RSRC1: variants seen among roughly 807,000 people sequenced by gnomAD.
RSRC1 encodes arginine and serine rich coiled-coil 1, also known as serine/Arginine-related protein 53.
RSRC1 carries 39 observed loss-of-function variants against 49.1 expected under a neutral mutation model. The ratio of observed to expected loss-of-function variants is 0.79; its 90% confidence interval spans 0.61 to 1.04. RSRC1 has a LOEUF of 1.04. Among genes scored for constraint, RSRC1 ranks in the 50% least tolerant of loss-of-function variants. RSRC1 has a pLI of 0.00. For synonymous variants in RSRC1, 143 were observed against 130.8 expected (o/e 1.09, Z -0.63); for missense variants, 388 against 402.4 (o/e 0.96, Z 0.31).
At chr3:158,439,328 G>A (rs1187711789) in intron 6 of RSRC1, among the ~76,000 whole-genome samples, 1 of 152,076 alleles carries the variant, frequency 6.6e-6, no homozygotes, top group African/African-American at 2.4e-5. Context: ...CTACCCAAAG[G>A]ACTATAAATC....
intron 4 of RSRC1, among the ~76,000 whole-genome samples, chr3:158,207,547 T>A (rs555876130): frequency 1.3e-5 from 2 of 152,180 alleles, no homozygotes; most frequent in Non-Finnish European, 2.9e-5. Context: ...ATTGTGATTG[T>A]GCAGTGCATG....
intron 6 of RSRC1, among the ~76,000 whole-genome samples, chr3:158,400,810 A>G (rs1331077204): frequency 6.6e-6 from 1 of 152,056 alleles, no homozygotes; most frequent in Non-Finnish European, 1.5e-5. Context: ...TTGCCTAAGT[A>G]TATAGTGTTT....
chr3:158,516,927 G>GT (rs1560073030), intron 7 of RSRC1, among the ~76,000 whole-genome samples: 1 of 152,220 alleles, frequency 6.6e-6, no homozygotes, highest in South Asian at 2.1e-4. Context: ...TGCTTCCCAA[G>GT]TGAGGCAGTG....
At chr3:158,143,418 A>G (rs954267180) in intron 3 of RSRC1, among the ~76,000 whole-genome samples, 5 of 152,142 alleles carry the variant, frequency 3.3e-5, no homozygotes, top group African/African-American at 1.2e-4. Context: ...AGATAGCATG[A>G]TGTGGTTCTT....
At chr3:158,491,064 A>G (rs1374307264) in intron 7 of RSRC1, among the ~76,000 whole-genome samples, 4 of 152,310 alleles carry the variant, frequency 2.6e-5, no homozygotes, top group South Asian at 4.1e-4. Flanking sequence ...TTTGCTTTTC[A>G]ATAATTGTCT....
At chr3:158,275,118 A>T (rs781721500) in intron 4 of RSRC1, among the ~76,000 whole-genome samples, 4 of 152,196 alleles carry the variant, frequency 2.6e-5, no homozygotes, top group Non-Finnish European at 5.9e-5. Flanking sequence ...ATTGATTGCT[A>T]GCTTACCAAC....
chr3:158,286,619 A>T (rs1726578568), intron 4 of RSRC1, among the ~76,000 whole-genome samples: 1 of 152,230 alleles, frequency 6.6e-6, no homozygotes, highest in African/African-American at 2.4e-5. Context: ...TTGATTCATT[A>T]AACAAGGAAA....
At chr3:158,362,333 C>T (rs1304375059) in intron 6 of RSRC1, among the ~76,000 whole-genome samples, 3 of 151,904 alleles carry the variant, frequency 2.0e-5, no homozygotes, top group Non-Finnish European at 2.9e-5. Context: ...AGAGTAAGAC[C>T]CTGTCTCAAA....
Position 158,354,906 on chromosome 3 carries a change from C to T in RSRC1, c.581C>T (p.Ala194Val). ...AGACTACAGCTGGTTCTTGAAGCTG[C>T]TGGTAAGTGTTGATAATTAACTTTT... ...KARLQLVLEA[A>V]AKADEALKAK... is the part of the protein sequence containing the mutation. The change falls in exon 6 of 10, where the codon GCT (alanine) becomes GTT (valine). Residue 194 changes from alanine to valine, a missense_variant and splice_region_variant. Physicochemically the swap from Ala to Val is moderately conservative, Grantham distance 64 (BLOSUM62 0). Coordinates refer to ENST00000611884, the MANE Select transcript of RSRC1 (RefSeq NM_001271838.2). 6.5e-7 allele frequency: 1 copy of T among 1,544,666 alleles called. No individual in the cohort carries two copies. Among genetic ancestry groups the T allele is most frequent in the South Asian group, 1.2e-5 (1 of 80,316 alleles).
chr3:158,388,077 TTACC>T (rs1006655775), intron 6 of RSRC1, among the ~76,000 whole-genome samples: 3 of 152,188 alleles, frequency 2.0e-5, no homozygotes, highest in South Asian at 4.1e-4. Context: ...AAAAACTTAT[TTACC>T]TAGTGCAATA....
chr3:158,456,949 G>A (rs1737361551), intron 6 of RSRC1, among the ~76,000 whole-genome samples: 1 of 152,150 alleles, frequency 6.6e-6, no homozygotes, highest in East Asian at 1.9e-4. Context: ...GTGTACATGT[G>A]TGTATGCAGC....
chr3:158,423,358 C>G (rs1370552885), intron 6 of RSRC1, among the ~76,000 whole-genome samples: 17 of 151,844 alleles, frequency 1.1e-4, no homozygotes, highest in African/African-American at 3.6e-4. Context: ...GCTTATTTTT[C>G]TCAGGTTTGT....
At chr3:158,259,587 T>G (rs983154807) in intron 4 of RSRC1, among the ~76,000 whole-genome samples, 4 of 152,162 alleles carry the variant, frequency 2.6e-5, no homozygotes, top group Non-Finnish European at 4.4e-5. Context: ...GGCTACTGCG[T>G]ATGTTCACTC....
chr3:158,281,023 G>A (rs763448972), intron 4 of RSRC1, among the ~76,000 whole-genome samples: 6 of 152,152 alleles, frequency 3.9e-5, no homozygotes, highest in Admixed American at 2.6e-4. Context: ...GGCAGAAGTG[G>A]TTAAAATAGC....
chr3:158,331,560 GTTAC>G, intron 5 of RSRC1, among the ~76,000 whole-genome samples: 1 of 151,774 alleles, frequency 6.6e-6, no homozygotes, highest in East Asian at 1.9e-4. Context: ...GATTTCTTCT[GTTAC>G]TTCTAAGCCT....
chr3:158,176,556 T>C (rs954566377), intron 3 of RSRC1, among the ~76,000 whole-genome samples: 12 of 152,204 alleles, frequency 7.9e-5, no homozygotes, highest in African/African-American at 2.7e-4. Flanking sequence ...AAGGATTCCC[T>C]ATTTAATAAA....
At chr3:158,363,465 A>G (rs1348175356) in intron 6 of RSRC1, among the ~76,000 whole-genome samples, 2 of 152,038 alleles carry the variant, frequency 1.3e-5, no homozygotes, top group African/African-American at 4.8e-5. Flanking sequence ...GGGTTTTACC[A>G]TGTTGGCCAG....
intron 3 of RSRC1, among the ~76,000 whole-genome samples, chr3:158,200,639 A>G (rs1338575403): frequency 2.6e-5 from 4 of 151,960 alleles, no homozygotes; most frequent in African/African-American, 7.3e-5. Flanking sequence ...TTGACTTTTT[A>G]GCTATACTTA....
At chr3:158,150,048 C>A (rs1430013069) in intron 3 of RSRC1, among the ~76,000 whole-genome samples, 1 of 152,138 alleles carries the variant, frequency 6.6e-6, no homozygotes, top group Non-Finnish European at 1.5e-5. Context: ...TTTTAAGGGT[C>A]TTCTCTTATG....
Sources: allele counts gnomAD v4.1 joint callset (sites outside exome capture counted in the v4.1 genomes callset), GRCh38; gene constraint gnomAD v4.1.1; transcripts MANE v1.5; gene names NCBI Gene and HGNC (gene_info 2026-07-23, HGNC 2026-07-21).